The following CNTNAP2 variants were observed in gnomAD, a reference collection of about 807,000 sequenced individuals.
The protein encoded by CNTNAP2 is contactin-associated protein-like 2.
Under a neutral mutation model 155.2 loss-of-function variants are expected in CNTNAP2, and 98 were observed. That is an observed-to-expected ratio of 0.63 (90% CI 0.54 to 0.75). CNTNAP2 has a LOEUF of 0.75. CNTNAP2 is among the 30% of genes least tolerant of loss of function. CNTNAP2 has a pLI of 0.00. For missense variants in CNTNAP2, 1,727 were observed against 1,688.1 expected (o/e 1.02, Z -0.40); for synonymous variants, 651 against 631.2 (o/e 1.03, Z -0.47).
At chr7:147,951,970 A>G (rs1451145432) in intron 14 of CNTNAP2, among the ~76,000 whole-genome samples, 1 of 151,814 alleles carries the variant, frequency 6.6e-6, no homozygotes, top group Non-Finnish European at 1.5e-5. Flanking sequence ...ATGAAAATAA[A>G]TGTTGTTATG....
At chr7:148,050,078 C>T (rs1802858271) in intron 15 of CNTNAP2, among the ~76,000 whole-genome samples, 1 of 152,180 alleles carries the variant, frequency 6.6e-6, no homozygotes, top group African/African-American at 2.4e-5. Context: ...AGAAGAATCA[C>T]TTGAGCCCGG....
At chr7:147,910,506 T>C (rs569138554) in intron 14 of CNTNAP2, among the ~76,000 whole-genome samples, 246 of 152,070 alleles carry the variant, frequency 1.6e-3, no homozygotes, top group African/African-American at 5.6e-3. Flanking sequence ...CCTTAGGAAT[T>C]ACACACCAAG....
At chr7:146,719,609 C>T (rs1186585023) in intron 1 of CNTNAP2, among the ~76,000 whole-genome samples, 1 of 152,048 alleles carries the variant, frequency 6.6e-6, no homozygotes, top group African/African-American at 2.4e-5. Context: ...CTGAGTTTTT[C>T]ACTGAATTTT....
intron 10 of CNTNAP2, among the ~76,000 whole-genome samples, chr7:147,480,796 C>G (rs1457051998): frequency 6.6e-6 from 1 of 152,178 alleles, no homozygotes; most frequent in African/African-American, 2.4e-5. Context: ...GTGCGATGCG[C>G]TAGAGCCTTG....
At chr7:147,367,181 A>G (rs1450128350) in intron 9 of CNTNAP2, among the ~76,000 whole-genome samples, 1 of 152,216 alleles carries the variant, frequency 6.6e-6, no homozygotes, top group African/African-American at 2.4e-5. Flanking sequence ...TTAAAAACCA[A>G]CTTTCTCCTG....
intron 1 of CNTNAP2, among the ~76,000 whole-genome samples, chr7:146,332,662 C>T (rs1487640823): frequency 6.6e-6 from 1 of 152,092 alleles, no homozygotes; most frequent in Non-Finnish European, 1.5e-5. Context: ...TTAATACAGG[C>T]TTCCATTGTC....
chr7:146,754,855 C>T (rs1801967508), intron 1 of CNTNAP2, among the ~76,000 whole-genome samples: 1 of 151,876 alleles, frequency 6.6e-6, no homozygotes, highest in South Asian at 2.1e-4. Flanking sequence ...AACTATTTTC[C>T]TGTTTCTTCC....
chr7:147,509,175 G>A (rs1308306243), intron 11 of CNTNAP2, among the ~76,000 whole-genome samples: 1 of 152,068 alleles, frequency 6.6e-6, no homozygotes, highest in Admixed American at 6.6e-5. Context: ...CTCAGCTCAA[G>A]TCTCTTTGAT....
chr7:147,358,693 TTTTA>T lies in CNTNAP2; in HGVS notation c.1499-36908_1499-36905del, dbSNP rs1260308207. Among the ~76,000 whole-genome samples the T allele has an allele frequency of 3.3e-5, 5 of 152,202 alleles. No homozygotes were observed. In the East Asian group the frequency reaches 9.7e-4, roughly 29 times the overall value. On this transcript the variant is annotated intron_variant, in intron 9 of 23. Transcript: ENST00000361727. ...TTCTCCTAATTAAAAAAAAAGCAAA[TTTTA>T]TTTATTTTCAATGAAATTTTAGCTT...
intron 1 of CNTNAP2, among the ~76,000 whole-genome samples, chr7:146,674,512 TA>T (rs61430734): frequency 9.3e-5 from 14 of 150,146 alleles, no homozygotes; most frequent in East Asian, 2.0e-4. Flanking sequence ...AAAAAAAAAT[TA>T]AAAAAAAAAG....
intron 15 of CNTNAP2, among the ~76,000 whole-genome samples, chr7:148,112,583 C>T (rs1804376692): frequency 6.6e-6 from 1 of 151,946 alleles, no homozygotes; most frequent in Non-Finnish European, 1.5e-5. Flanking sequence ...TTTTCAGAGA[C>T]AGGATCTCAC....
At chr7:147,950,626 T>A (rs1800912104) in intron 14 of CNTNAP2, among the ~76,000 whole-genome samples, 1 of 152,178 alleles carries the variant, frequency 6.6e-6, no homozygotes, top group South Asian at 2.1e-4. Flanking sequence ...CAATACCTGG[T>A]GAGCTCTGCT....
intron 2 of CNTNAP2, among the ~76,000 whole-genome samples, chr7:146,837,470 T>G (rs1585115354): frequency 1.3e-5 from 2 of 152,296 alleles, no homozygotes; most frequent in Middle Eastern, 6.8e-3. Context: ...ATGTTTTATT[T>G]TAGATAATAG....
At chr7:148,012,258 C>T (rs900473509) in intron 15 of CNTNAP2, among the ~76,000 whole-genome samples, 2 of 152,178 alleles carry the variant, frequency 1.3e-5, no homozygotes. Flanking sequence ...TTATCTTGCT[C>T]TTTCGAGTCC....
intron 15 of CNTNAP2, among the ~76,000 whole-genome samples, chr7:148,015,111 T>C (rs889818009): frequency 6.6e-6 from 1 of 152,196 alleles, no homozygotes; most frequent in South Asian, 2.1e-4. Flanking sequence ...TGTAACAGCA[T>C]TGTCCATGGC....
At chr7:146,822,479 C>A (rs1469850411) in intron 2 of CNTNAP2, among the ~76,000 whole-genome samples, 1 of 149,456 alleles carries the variant, frequency 6.7e-6, no homozygotes, top group African/African-American at 2.5e-5. Context: ...AATAATAATA[C>A]AAAAATTTAA....
chr7:147,262,520 C>G (rs1291658588), intron 8 of CNTNAP2, among the ~76,000 whole-genome samples: 1 of 152,056 alleles, frequency 6.6e-6, no homozygotes, highest in African/African-American at 2.4e-5. Flanking sequence ...CGCAGGGAGG[C>G]CGGGCCTGGC....
chr7:146,427,970 C>T (rs952104775), intron 1 of CNTNAP2, among the ~76,000 whole-genome samples: 2 of 152,158 alleles, frequency 1.3e-5, no homozygotes, highest in East Asian at 1.9e-4. Flanking sequence ...TCAGCTCCCA[C>T]GTATGCGTGA....
intron 1 of CNTNAP2, among the ~76,000 whole-genome samples, chr7:146,717,348 TA>T (rs35996896): frequency 0.24 from 28,853 of 119,230 alleles, 5,411 homozygotes; most frequent in African/African-American, 0.53. Context: ...ACTAAAAAAT[TA>T]AAAAAAAAAA....
Sources: gnomAD v4.1 joint callset for allele counts (sites outside exome capture counted in the v4.1 genomes callset) on GRCh38, gnomAD v4.1.1 for gene constraint, MANE v1.5 for transcripts, NCBI Gene and HGNC (gene_info 2026-07-23, HGNC 2026-07-21) for gene names.